Variants in NAB1 observed in about 807,000 individuals in gnomAD.
NAB1 encodes the protein NGFI-A-binding protein 1.
In NAB1, 25 loss-of-function variants were observed where a neutral mutation model predicts 49.9. The ratio of observed to expected loss-of-function variants is 0.50; its 90% confidence interval spans 0.37 to 0.70. The LOEUF (loss-of-function observed/expected upper bound fraction) is 0.70. NAB1 is among the 30% of genes least tolerant of loss of function. NAB1 has a pLI of 0.00. For synonymous variants in NAB1, 198 were observed against 215.6 expected (o/e 0.92, Z 0.71); for missense variants, 489 against 575.9 (o/e 0.85, Z 1.54).
At chr2:190,653,417 T>C (rs1012594763) in intron 2 of NAB1, among the ~76,000 whole-genome samples, 3 of 152,192 alleles carry the variant, frequency 2.0e-5, no homozygotes, top group African/African-American at 7.2e-5. Flanking sequence ...TTTTTGTAAG[T>C]CTGTAAGAGG....
chr2:190,685,415 T>C lies in NAB1; in HGVS notation c.1096-61T>C. The C allele has an allele frequency of 6.8e-7, 1 of 1,467,114 alleles. No individual in the cohort carries two copies. The highest frequency in any genetic ancestry group is 9.1e-7 in the Non-Finnish European group (1 of 1,093,572). The allele number at this position is 1,467,114 out of a possible 1,614,324, so 90.9% of individuals were successfully genotyped here. A position where few individuals can be genotyped will look rare whatever the true frequency, so the allele number is the denominator to read the frequency against. ...TGCTGGAGTCTGAAATTGGCATCTTTAAACCATTAAAAAATCTAGAATGTT... is the reference window on the plus strand; with the variant it reads ...TGCTGGAGTCTGAAATTGGCATCTTCAAACCATTAAAAAATCTAGAATGTT... On this transcript the variant is annotated intron_variant, in intron 7 of 9. Transcript: ENST00000337386. The surrounding 1 kb of genome is among the most constrained non-coding windows in gnomAD (Gnocchi z 4.5).
At position 190,683,297 on chromosome 2, in the gene NAB1, A is replaced by ATTTTT. The variant is rs767640681; in HGVS notation, c.1006-417_1006-413dup. On this transcript the variant is annotated intron_variant, in intron 6 of 9. Transcript: ENST00000337386. Reference sequence around the variant, plus strand: ...TGGCGTGTGCTACCACTCCCAGCTAATTTTTTTTTTTTTTTTTTTTTTTTT... The same window carrying ATTTTT: ...TGGCGTGTGCTACCACTCCCAGCTAATTTTTTTTTTTTTTTTTTTTTTTTTTTTTT... Among the ~76,000 whole-genome samples the ATTTTT allele has an allele frequency of 2.4e-3, 182 of 76,140 alleles. 13 individuals are homozygous for ATTTTT. Among genetic ancestry groups the ATTTTT allele is most frequent in the African/African-American group, 4.8e-3 (74 of 15,508 alleles). 50.0% of individuals were successfully genotyped at this position (76,140 alleles called of 152,430 possible).
intron 6 of NAB1, among the ~76,000 whole-genome samples, chr2:190,681,614 T>C (rs1259078260): frequency 6.6e-6 from 1 of 152,232 alleles, no homozygotes; most frequent in Non-Finnish European, 1.5e-5. Context: ...GCTAATTACA[T>C]ACTGGCCCAT....
rs1311346496 is a variant in NAB1, at chr2:190,675,663, A to G, written c.1005+2511A>G. Among the ~76,000 whole-genome samples, 3 of 152,192 alleles carry G rather than the reference A, an allele frequency of 2.0e-5. No individual in the cohort carries two copies. Among genetic ancestry groups the G allele is most frequent in the South Asian group, 4.1e-4 (2 of 4,830 alleles). ...CCCTTCCTAAATAAGACAAGCGACA[A>G]TCGGCCCCAGGCTTCTTTAAATGCT... On this transcript the variant is annotated intron_variant, in intron 6 of 9. Coordinates refer to ENST00000337386, the MANE Select transcript of NAB1 (RefSeq NM_005966.4). The surrounding 1 kb of genome is among the most constrained non-coding windows in gnomAD (Gnocchi z 5.2).
Position 190,685,530 on chromosome 2 carries a change from T to C in NAB1, c.1150T>C (p.Tyr384His). The C allele has an allele frequency of 1.2e-6, 2 of 1,614,052 alleles. No homozygotes were observed. The highest frequency in any genetic ancestry group is 1.7e-6 in the Non-Finnish European group (2 of 1,179,998). Reference sequence around the variant, plus strand: ...GGAGTTCCTTTGCAACCAAGCTGGCTATGAGAGACTGCAGCATGCCGAGAG... The same window carrying C: ...GGAGTTCCTTTGCAACCAAGCTGGCCATGAGAGACTGCAGCATGCCGAGAG... ...QMEFLCNQAG[Y>H]ERLQHAERRL... The change falls in exon 8 of 10, where the codon TAT (tyrosine) becomes CAT (histidine). Residue 384 changes from tyrosine (Y) to histidine (H), a missense_variant. Around this residue, in one of 4 missense-constraint regions of NAB1, gnomAD observed 212 missense variants for 199.3 expected, o/e 1.06. Transcript: ENST00000337386. This position sits in a 1 kb window ranked among gnomAD's most constrained non-coding sequence, Gnocchi z 4.5.
intron 4 of NAB1, among the ~76,000 whole-genome samples, chr2:190,662,595 G>A (rs1289995843): frequency 2.0e-5 from 3 of 152,274 alleles, no homozygotes; most frequent in East Asian, 3.9e-4. Context: ...CATAAGGGGT[G>A]TTAATAGATA....
chr2:190,666,891 C>T lies in NAB1; in HGVS notation c.820-3435C>T, dbSNP rs926928041. ...AAGCTAACAGTGCTGCTGCAAGTGACGGGAATATTTTCATATTTTCCCAAC... is the reference window on the plus strand; with the variant it reads ...AAGCTAACAGTGCTGCTGCAAGTGATGGGAATATTTTCATATTTTCCCAAC... On this transcript the variant is annotated intron_variant, in intron 4 of 9. Transcript: ENST00000337386. The surrounding 1 kb of genome is among the most constrained non-coding windows in gnomAD (Gnocchi z 5.6). 3.9e-5 allele frequency among the ~76,000 whole-genome samples: 6 copies of T among 152,112 alleles called. No individual in the cohort carries two copies. The highest frequency in any genetic ancestry group is 1.3e-4 in the Admixed American group (2 of 15,276).
intron 9 of NAB1, among the ~76,000 whole-genome samples, chr2:190,688,560 C>T (rs1048763693): frequency 7.2e-5 from 11 of 152,072 alleles, no homozygotes; most frequent in Non-Finnish European, 1.0e-4. Context: ...TTTTCAAAAA[C>T]GAACAAAAAA....
rs769474151 is a variant in NAB1 at position 190,687,289 on chromosome 2, C to T, written c.1347C>T (p.Tyr449=). 114 of 1,596,358 alleles carry T rather than the reference C, an allele frequency of 7.1e-5. No individual in the cohort carries two copies. The highest frequency in any genetic ancestry group is 9.5e-5 in the Non-Finnish European group (112 of 1,174,748). Reference sequence around the variant, plus strand: ...TGGATGGGGAGCTGAGCAGACTTTACCCCAGTGAGGCAAAGTCCCACTCAT... The same window carrying T: ...TGGATGGGGAGCTGAGCAGACTTTATCCCAGTGAGGCAAAGTCCCACTCAT... ...FVVDGELSRL[Y]PSEAKSHSSE... Residue 449 remains tyrosine (Y), a synonymous_variant, in exon 9 of 10, where the codon TAC becomes TAT. Coordinates refer to ENST00000337386, the MANE Select transcript of NAB1 (RefSeq NM_005966.4).
rs1399971935 is a variant in NAB1, at chr2:190,674,927, T to C, written c.1005+1775T>C. The stretch of plus-strand genomic sequence containing the variant: ...TTATATTTGTAACCTACCTCACTGT[T>C]AGCTCTGGAATAATGTTTAAGATGG... On this transcript the variant is annotated intron_variant, in intron 6 of 9. Transcript: ENST00000337386. The surrounding 1 kb of genome is among the most constrained non-coding windows in gnomAD (Gnocchi z 5.7). Among the ~76,000 whole-genome samples, 1 of 152,194 alleles carries C rather than the reference T, an allele frequency of 6.6e-6. No individual in the cohort carries two copies. Among genetic ancestry groups the C allele is most frequent in the Non-Finnish European group, 1.5e-5 (1 of 68,038 alleles).
chr2:190,685,928 G>A lies in NAB1; in HGVS notation c.1258+290G>A, dbSNP rs188513596. ...GTCAACAGTACAGATTATTTTCCCC[G>A]AAGAAGCAGATTCCGGGAGAGATGT... On this transcript the variant is annotated intron_variant, in intron 8 of 9. Coordinates refer to ENST00000337386, the MANE Select transcript of NAB1 (RefSeq NM_005966.4). The surrounding 1 kb of genome is among the most constrained non-coding windows in gnomAD (Gnocchi z 4.5). 5.9e-3 allele frequency among the ~76,000 whole-genome samples: 899 copies of A among 152,228 alleles called. 5 individuals carry two copies. The highest frequency in any genetic ancestry group is 9.5e-3 in the Non-Finnish European group (646 of 68,004).
chr2:190,672,656 T>C (rs1694871306), intron 5 of NAB1, among the ~76,000 whole-genome samples: 1 of 152,184 alleles, frequency 6.6e-6, no homozygotes, highest in Admixed American at 6.5e-5. Flanking sequence ...GATTTTTTTT[T>C]CATTATGTGA....
At position 190,652,260 on chromosome 2, in the gene NAB1, A is replaced by G. The variant is rs996419130; in HGVS notation, c.-197+2278A>G. 6.6e-6 allele frequency among the ~76,000 whole-genome samples: 1 copy of G among 152,204 alleles called. No individual in the cohort carries two copies. The highest frequency in any genetic ancestry group is 2.4e-5 in the African/African-American group (1 of 41,458). ...GGGGTGACCCATTAATTTGCATGGT[A>G]TATTAATTTAATGATTTTTACAGAG... On this transcript the variant is annotated intron_variant, in intron 2 of 9. Coordinates refer to ENST00000337386, the MANE Select transcript of NAB1 (RefSeq NM_005966.4). The surrounding 1 kb of genome is among the most constrained non-coding windows in gnomAD (Gnocchi z 4.2).
intron 4 of NAB1, among the ~76,000 whole-genome samples, chr2:190,665,851 A>G (rs1694488845): frequency 6.6e-6 from 1 of 152,114 alleles, no homozygotes; most frequent in African/African-American, 2.4e-5. Context: ...ACGTATTTCT[A>G]ATTCAGCCTT....
chr2:190,671,553 T>G (rs946927614), intron 5 of NAB1, among the ~76,000 whole-genome samples: 1 of 152,092 alleles, frequency 6.6e-6, no homozygotes, highest in Non-Finnish European at 1.5e-5. Context: ...CTTCATTGTA[T>G]TATACACTAT....
chr2:190,673,873 A>G (rs1219607041), intron 6 of NAB1, among the ~76,000 whole-genome samples: 2 of 152,230 alleles, frequency 1.3e-5, no homozygotes, highest in Non-Finnish European at 2.9e-5. Flanking sequence ...TGTTTCTTAC[A>G]AATACTTTTT....
chr2:190,685,550 C>G lies in NAB1; in HGVS notation c.1170C>G (p.Ala390=), dbSNP rs145836084. The change falls in exon 8 of 10, where the codon GCC becomes GCG. Residue 390 remains alanine, a synonymous_variant. Transcript: ENST00000337386. This position sits in a 1 kb window ranked among gnomAD's most constrained non-coding sequence, Gnocchi z 4.5. ...NQAGYERLQH[A]ERRLSAGLYR... ...CTGGCTATGAGAGACTGCAGCATGC[C>G]GAGAGGAGGTTGTCTGCAGGGCTTT... 2 of 1,613,940 alleles carry G rather than the reference C, an allele frequency of 1.2e-6. No individual in the cohort carries two copies.
At chr2:190,681,476 T>C (rs1413836636) in intron 6 of NAB1, among the ~76,000 whole-genome samples, 4 of 152,236 alleles carry the variant, frequency 2.6e-5, no homozygotes, top group Non-Finnish European at 5.9e-5. Context: ...AAGGGAACTT[T>C]GGATTTAGCT....
chr2:190,690,854 A>C lies in NAB1; in HGVS notation c.*521A>C, dbSNP rs545929551. The C allele has an allele frequency of 6.5e-6, 1 of 152,836 alleles. No individual in the cohort carries two copies. Among genetic ancestry groups the C allele is most frequent in the Non-Finnish European group, 1.5e-5 (1 of 68,088 alleles). The allele number at this position is 152,836 out of a possible 1,614,324, so 9.5% of individuals were successfully genotyped here. A position where few individuals can be genotyped will look rare whatever the true frequency, so the allele number is the denominator to read the frequency against. ...GATTGCAATGATTATGGAAAAATAG[A>C]AAGCGAATACTCAGTTTAAGCCAAG... On this transcript the variant is annotated 3_prime_UTR_variant, in exon 10 of 10. Transcript: ENST00000337386.
Sources: gnomAD v4.1 joint callset for allele counts (sites outside exome capture counted in the v4.1 genomes callset) on GRCh38, gnomAD v4.1.1 for gene constraint, gnomAD v4.1.1 regional missense constraint, Gnocchi (gnomAD v3.1) non-coding constraint, MANE v1.5 for transcripts, NCBI Gene and HGNC (gene_info 2026-07-23, HGNC 2026-07-21) for gene names.